Variants in PTPRB observed in about 807,000 individuals in gnomAD.
The protein encoded by PTPRB is protein tyrosine phosphatase receptor type B.
A neutral mutation model predicts 238.1 loss-of-function variants in PTPRB; 97 were observed. That is an observed-to-expected ratio of 0.41 (90% CI 0.35 to 0.48). The LOEUF is 0.48. Among genes scored for constraint, PTPRB ranks in the 20% least tolerant of loss-of-function variants. The pLI is 0.30. For synonymous variants in PTPRB, 970 were observed against 995.4 expected (o/e 0.97, Z 0.48); for missense variants, 2,292 against 2,681.9 (o/e 0.85, Z 3.21).
intron 31 of PTPRB, among the ~76,000 whole-genome samples, chr12:70,533,559 A>G (rs1873627789): frequency 6.6e-6 from 1 of 152,228 alleles, no homozygotes; most frequent in Non-Finnish European, 1.5e-5. Context: ...CAAATTTAAG[A>G]GAAAAAATTA....
At chr12:70,630,927 G>C (rs1467306610) in intron 2 of PTPRB, among the ~76,000 whole-genome samples, 1 of 152,196 alleles carries the variant, frequency 6.6e-6, no homozygotes, top group African/African-American at 2.4e-5. Flanking sequence ...CGAAATAAAA[G>C]AGGACACAAA....
chr12:70,613,957 G>A (rs990138788), intron 3 of PTPRB, among the ~76,000 whole-genome samples: 1 of 152,132 alleles, frequency 6.6e-6, no homozygotes, highest in Non-Finnish European at 1.5e-5. Context: ...GCAAAGGAAT[G>A]ACAAAGAAGA....
At position 70,541,239 on chromosome 12, in the gene PTPRB, A is replaced by T. The variant is rs1875056160; in HGVS notation, c.5495-282T>A. On this transcript the variant is annotated intron_variant, in intron 22 of 33. Coordinates refer to ENST00000334414, the MANE Select transcript of PTPRB (RefSeq NM_001109754.4). ...GAGGAATTTTGGACTTTGCACTTGT[A>T]TATAAAGCTTGGGGCACCTGAGATA... is the stretch of plus-strand genomic sequence containing the variant. 1.2e-5 allele frequency: 3 copies of T among 254,892 alleles called. No individual in the cohort carries two copies. In the South Asian group the frequency reaches 3.7e-4, roughly 31 times the overall value. 15.8% of individuals were successfully genotyped at this position (254,892 alleles called of 1,614,324 possible).
At chr12:70,583,059 G>A (rs1375757125) in intron 9 of PTPRB, among the ~76,000 whole-genome samples, 1 of 152,070 alleles carries the variant, frequency 6.6e-6, no homozygotes, top group African/African-American at 2.4e-5. Flanking sequence ...CTAATACCAT[G>A]TACTACATGC....
intron 7 of PTPRB, chr12:70,591,634 T>C (rs1882496624): frequency 6.6e-6 from 1 of 152,214 alleles, no homozygotes; most frequent in South Asian, 2.1e-4. Flanking sequence ...AAAGCAGGAG[T>C]TGGACAATTT....
chr12:70,600,424 A>G (rs1264984524), intron 4 of PTPRB, among the ~76,000 whole-genome samples: 1 of 152,150 alleles, frequency 6.6e-6, no homozygotes, highest in Non-Finnish European at 1.5e-5. Flanking sequence ...GATGTCATGA[A>G]TTGCATATTC....
chr12:70,624,345 C>T (rs561938481), intron 2 of PTPRB, among the ~76,000 whole-genome samples: 5 of 152,212 alleles, frequency 3.3e-5, no homozygotes, highest in Middle Eastern at 3.4e-3. Flanking sequence ...TACTAGATCT[C>T]GGCTTTGATT....
chr12:70,569,551 T>C (rs968140316), intron 14 of PTPRB, 124 bp downstream of exon 14: 16 of 1,166,446 alleles, frequency 1.4e-5, no homozygotes, highest in African/African-American at 1.1e-4. Context: ...CTTGAAACCA[T>C]TGAATTGTAC....
Position 70,524,562 on chromosome 12 carries a change from T to TA in PTPRB, c.6533dup (p.Arg2179LysfsTer12). ...GCTTTCTTGCTCTGAGGACATCTCT[T>TA]ACACACTGATGTAGGTAGACATACT... On this transcript the variant is annotated frameshift_variant, in exon 33 of 34. Transcript: ENST00000334414. LOFTEE classifies it high-confidence loss of function. 6.2e-7 allele frequency: 1 copy of TA among 1,612,732 alleles called. No homozygotes were observed. Among genetic ancestry groups the TA allele is most frequent in the Non-Finnish European group, 8.5e-7 (1 of 1,178,972 alleles).
intron 22 of PTPRB, chr12:70,543,075 G>A (rs149504679): frequency 1.3e-5 from 2 of 152,092 alleles, no homozygotes; most frequent in Admixed American, 6.5e-5. Context: ...TGCTGATAGT[G>A]TCCTTTGAAG....
rs991869021 is a variant in PTPRB at position 70,595,970 on chromosome 12, C to T, written c.1258+79G>A. 10 of 1,286,148 alleles carry T rather than the reference C, an allele frequency of 7.8e-6. No individual in the cohort carries two copies. The African/African-American group carries it at 1.5e-4, about 19-fold the overall frequency. 79.7% of individuals were successfully genotyped at this position (1,286,148 alleles called of 1,614,324 possible). On this transcript the variant is annotated intron_variant, in intron 5 of 33. Coordinates refer to ENST00000334414, the MANE Select transcript of PTPRB (RefSeq NM_001109754.4). ...ATTAACTTTGCTCTGGAGTAGCAAT[C>T]TTACTCCTATTCCTTGAATAAAGTA...
chr12:70,604,594 T>A lies in PTPRB; in HGVS notation c.979+4475A>T, dbSNP rs577302342. On this transcript the variant is annotated intron_variant, in intron 4 of 33. Coordinates refer to ENST00000334414, the MANE Select transcript of PTPRB (RefSeq NM_001109754.4). The stretch of plus-strand genomic sequence containing the variant: ...GTAACCTACAGATATTAAGAAATGA[T>A]GGCTTATGTTTAAAACTATAGAAGT... Among the ~76,000 whole-genome samples the A allele has an allele frequency of 2.0e-5, 3 of 152,336 alleles. 1 individual carries two copies. Among genetic ancestry groups the A allele is most frequent in the South Asian group, 4.1e-4 (2 of 4,832 alleles).
In PTPRB at chr12:70,518,599, G is replaced by GACTC. The variant is rs1871369881; in HGVS notation, c.*2886_*2889dup. On this transcript the variant is annotated 3_prime_UTR_variant, in exon 34 of 34. Transcript: ENST00000334414. ...AGTGGGGCAAGTAATAAAACAGAGG[G>GACTC]ACTCAGAGGTTTAAGGGATAGAGAA... 6.6e-6 allele frequency: 1 copy of GACTC among 151,998 alleles called. No individual in the cohort carries two copies. The highest frequency in any genetic ancestry group is 2.4e-5 in the African/African-American group (1 of 41,384). The allele number at this position is 151,998 out of a possible 1,614,324, so 9.4% of individuals were successfully genotyped here. A position where few individuals can be genotyped will look rare whatever the true frequency, so the allele number is the denominator to read the frequency against.
intron 33 of PTPRB, among the ~76,000 whole-genome samples, chr12:70,522,247 T>C (rs939213814): frequency 6.6e-6 from 1 of 152,162 alleles, no homozygotes; most frequent in Non-Finnish European, 1.5e-5. Context: ...CAAAGAAAGA[T>C]TATCTGATTT....
At position 70,576,663 on chromosome 12, in the gene PTPRB, G is replaced by GT. The variant is rs1880755022; in HGVS notation, c.2579-19_2579-18insA. The GT allele has an allele frequency of 1.5e-5, 4 of 273,294 alleles. No homozygotes were observed. Among genetic ancestry groups the GT allele is most frequent in the Admixed American group, 6.4e-5 (1 of 15,738 alleles). The allele number at this position is 273,294 out of a possible 1,614,324, so 16.9% of individuals were successfully genotyped here. A position where few individuals can be genotyped will look rare whatever the true frequency, so the allele number is the denominator to read the frequency against. ...GGAAGGGACTGTGATTTTGAAAGGT[G>GT]GGGGGCGGGGGGGGGGGGGAAGGGG... On this transcript the variant is annotated intron_variant, in intron 10 of 33. Coordinates refer to ENST00000334414, the MANE Select transcript of PTPRB (RefSeq NM_001109754.4).
Position 70,520,068 on chromosome 12 carries a change from C to A in PTPRB, c.*1421G>T. 2.9e-6 allele frequency: 1 copy of A among 349,898 alleles called. No homozygotes were observed. The allele number at this position is 349,898 out of a possible 1,614,324, so 21.7% of individuals were successfully genotyped here. ...CTTTATGCAAAGGAAGCTATGCCAT[C>A]AACAAACTTGACCTCTAATTCCCAA... On this transcript the variant is annotated 3_prime_UTR_variant, in exon 34 of 34. Transcript: ENST00000334414.
chr12:70,614,779 C>T (rs1884606708), intron 3 of PTPRB, among the ~76,000 whole-genome samples: 1 of 152,148 alleles, frequency 6.6e-6, no homozygotes, highest in South Asian at 2.1e-4. Context: ...CTGAGTTTTA[C>T]TTCGAACCGG....
rs777555526 is a variant in PTPRB, at chr12:70,538,996, G to A, written c.5797C>T (p.Arg1933Ter). The A allele has an allele frequency of 1.9e-6, 3 of 1,613,618 alleles. No homozygotes were observed. The highest frequency in any genetic ancestry group is 1.1e-5 in the South Asian group (1 of 90,946). The change falls in exon 27 of 34, where the codon CGA (arginine) becomes TGA (stop). Residue 1933 changes from arginine (R) to a stop codon, truncating the protein, a stop_gained. Transcript: ENST00000334414. LOFTEE classifies it high-confidence loss of function. ...KEYEELKDVG[R>*]NQSCDIALLP... is the part of the protein sequence containing the mutation. Reference sequence around the variant, plus strand: ...AGTGCAATGTCACATGACTGGTTTCGGCCCACGTCTTTTAACTCCTGTTAG... The same window carrying A: ...AGTGCAATGTCACATGACTGGTTTCAGCCCACGTCTTTTAACTCCTGTTAG...
chr12:70,543,613 C>T (rs139611053), intron 22 of PTPRB, among the ~76,000 whole-genome samples: 2 of 152,134 alleles, frequency 1.3e-5, no homozygotes, highest in East Asian at 1.9e-4. Flanking sequence ...TCATGCAGCA[C>T]GAGAGACAGT....
Sources: gnomAD v4.1 joint callset for allele counts (sites outside exome capture counted in the v4.1 genomes callset) on GRCh38, gnomAD v4.1.1 for gene constraint, MANE v1.5 for transcripts, NCBI Gene and HGNC (gene_info 2026-07-23, HGNC 2026-07-21) for gene names.